PXDC1: variants seen among roughly 807,000 people sequenced by gnomAD.
PXDC1 encodes PX domain-containing protein 1.
PXDC1 carries 13 observed loss-of-function variants against 24.4 expected under a neutral mutation model. The ratio of observed to expected loss-of-function variants is 0.53; its 90% CI spans 0.35 to 0.85. The LOEUF is 0.85. Among genes scored for constraint, PXDC1 ranks in the 40% least tolerant of loss-of-function variants. The probability of loss-of-function intolerance (pLI) is 0.01; values close to 1 mark genes in which losing one functional copy is unlikely to be tolerated. For missense variants in PXDC1, 344 were observed against 309.3 expected (o/e 1.11, Z -0.84); for synonymous variants, 162 against 124.9 (o/e 1.30, Z -1.98).
intron 3 of PXDC1, among the ~76,000 whole-genome samples, chr6:3,736,547 G>A (rs1301555404): frequency 6.6e-6 from 1 of 152,182 alleles, no homozygotes; most frequent in Non-Finnish European, 1.5e-5. Flanking sequence ...CAAGTCTAGT[G>A]TTCTCATGAC....
At position 3,723,406 on chromosome 6, in the gene PXDC1, C is replaced by T; in HGVS notation, c.*213G>A. On this transcript the variant is annotated 3_prime_UTR_variant, in exon 5 of 5. Coordinates refer to ENST00000380283, the MANE Select transcript of PXDC1 (RefSeq NM_183373.4). ...AGGCCCTGTGGCCTCCGGCTGTGAC[C>T]TCAGCTTGCTGGAGACTCTGCGGTC... The T allele has an allele frequency of 3.4e-6, 2 of 589,872 alleles. No homozygotes were observed. The highest frequency in any genetic ancestry group is 6.1e-6 in the Non-Finnish European group (2 of 330,238). 36.5% of individuals were successfully genotyped at this position (589,872 alleles called of 1,614,324 possible).
At position 3,724,348 on chromosome 6, in the gene PXDC1, A is replaced by G. The variant is rs1042477023; in HGVS notation, c.579-612T>C. ...GGACTTACATGGGGTGTGGAGAACT[A>G]GGGAAGAATACAAACCCCAAACATA... On this transcript the variant is annotated intron_variant, in intron 4 of 4. Transcript: ENST00000380283. The surrounding 1 kb of genome is among the most constrained non-coding windows in gnomAD (Gnocchi z 4.5). Among the ~76,000 whole-genome samples the G allele has an allele frequency of 5.9e-5, 9 of 152,160 alleles. No homozygotes were observed. Among genetic ancestry groups the G allele is most frequent in the Non-Finnish European group, 2.9e-5 (2 of 68,018 alleles).
At position 3,737,722 on chromosome 6, in the gene PXDC1, C is replaced by T. The variant is rs898752247; in HGVS notation, c.348+335G>A. On this transcript the variant is annotated intron_variant, in intron 2 of 4. Transcript: ENST00000380283. The surrounding 1 kb of genome is among the most constrained non-coding windows in gnomAD (Gnocchi z 5.5). ...CTGTTCTAAAATCCCCTCAGCAAGA[C>T]GGTGGATTCTGAGCAGAGGCAGAAA... is the stretch of plus-strand genomic sequence containing the variant. 1.6e-5 allele frequency: 16 copies of T among 984,446 alleles called. No individual in the cohort carries two copies. The highest frequency in any genetic ancestry group is 1.7e-5 in the African/African-American group (1 of 57,218). 61.0% of individuals were successfully genotyped at this position (984,446 alleles called of 1,614,324 possible).
rs751346209 is a variant in PXDC1 at position 3,737,167 on chromosome 6, G to A, written c.378C>T (p.Phe126=). The change falls in exon 3 of 5, where the codon TTC becomes TTT. Residue 126 remains phenylalanine, a synonymous_variant. Coordinates refer to ENST00000380283, the MANE Select transcript of PXDC1 (RefSeq NM_183373.4). The surrounding 1 kb of genome is among the most constrained non-coding windows in gnomAD (Gnocchi z 5.5). ...CCTGATCCAGAGGAGATCTTTCGAAGAAGGTGAGCACAACTTCCGATCTAG... is the reference window on the plus strand; with the variant it reads ...CCTGATCCAGAGGAGATCTTTCGAAAAAGGTGAGCACAACTTCCGATCTAG... ...KYSRSEVVLT[F]FERSPLDQVL... 1 of 1,612,816 alleles carries A rather than the reference G, an allele frequency of 6.2e-7. No homozygotes were observed. The highest frequency in any genetic ancestry group is 1.1e-5 in the South Asian group (1 of 91,052).
chr6:3,750,872 G>C (rs1194296961), intron 1 of PXDC1, among the ~76,000 whole-genome samples: 1 of 152,142 alleles, frequency 6.6e-6, no homozygotes, highest in Non-Finnish European at 1.5e-5. Context: ...ACTGCTCCCA[G>C]ACGCTTTCCC....
chr6:3,744,072 C>G (rs1760509473), intron 1 of PXDC1, among the ~76,000 whole-genome samples: 1 of 152,230 alleles, frequency 6.6e-6, no homozygotes. Flanking sequence ...CTTAAACTTA[C>G]TGAGCTCTGC....
At chr6:3,748,417 GGTCCGACCTCACCCAA>G (rs1760617241) in intron 1 of PXDC1, among the ~76,000 whole-genome samples, 1 of 152,070 alleles carries the variant, frequency 6.6e-6, no homozygotes. Flanking sequence ...AGGTCAGCCC[GGTCCGACCTCACCCAA>G]ACAGAAGTCC....
chr6:3,722,787 C>G lies in PXDC1; in HGVS notation c.*832G>C, dbSNP rs1759968771. The G allele has an allele frequency of 1.3e-5, 2 of 152,614 alleles. No homozygotes were observed. The highest frequency in any genetic ancestry group is 6.5e-5 in the Admixed American group (1 of 15,282). 9.5% of individuals were successfully genotyped at this position (152,614 alleles called of 1,614,324 possible). A position where few individuals can be genotyped will look rare whatever the true frequency, so the allele number is the denominator to read the frequency against. ...TCCTCTCCTGTGGGCAGGGGAGCCC[C>G]AGCTTCCCTCGTGATTCCCGTCCTT... On this transcript the variant is annotated 3_prime_UTR_variant, in exon 5 of 5. Transcript: ENST00000380283.
chr6:3,751,142 G>C, intron 1 of PXDC1, 134 bp downstream of exon 1: 1 of 679,976 alleles, frequency 1.5e-6, no homozygotes, highest in Non-Finnish European at 2.2e-6. Context: ...TGCGGGCGCG[G>C]GGTCCAAGTG....
At chr6:3,723,981 A>C (rs1455272400) in intron 4 of PXDC1, among the ~76,000 whole-genome samples, 1 of 152,134 alleles carries the variant, frequency 6.6e-6, no homozygotes, top group Non-Finnish European at 1.5e-5. Flanking sequence ...CCATTCCTTC[A>C]TTCATGGAGT....
intron 1 of PXDC1, among the ~76,000 whole-genome samples, chr6:3,748,454 G>A (rs750990364): frequency 4.6e-5 from 7 of 152,040 alleles, no homozygotes; most frequent in Non-Finnish European, 1.0e-4. Flanking sequence ...AGGAGAGAGC[G>A]CTAGTGAGCA....
At chr6:3,738,804 G>A (rs1410885265) in intron 1 of PXDC1, 8 of 1,302,878 alleles carry the variant, frequency 6.1e-6, no homozygotes, top group South Asian at 1.2e-5. Context: ...ACCATAGCTC[G>A]AGGCATGAAG....
rs529830563 is a variant in PXDC1, at chr6:3,751,684, T to TCGGGGCAGCGGGGCAG, written c.-154_-153insCTGCCCCGCTGCCCCG. ...CAAGGAGGCTGCGTATGGCCCGCGT[T>TCGGGGCAGCGGGGCAG]CGGGGCAGCGGGGCGGCGCGGCGGC... On this transcript the variant is annotated 5_prime_UTR_variant, in exon 1 of 5. Coordinates refer to ENST00000380283, the MANE Select transcript of PXDC1 (RefSeq NM_183373.4). The TCGGGGCAGCGGGGCAG allele has an allele frequency of 8.5e-7, 1 of 1,175,494 alleles. No homozygotes were observed. The highest frequency in any genetic ancestry group is 4.4e-5 in the Admixed American group (1 of 22,774). The allele number at this position is 1,175,494 out of a possible 1,614,324, so 72.8% of individuals were successfully genotyped here.
Position 3,725,983 on chromosome 6 carries a change from C to T in PXDC1, c.578+1568G>A, listed in dbSNP as rs1364531340. On this transcript the variant is annotated intron_variant, in intron 4 of 4. Coordinates refer to ENST00000380283, the MANE Select transcript of PXDC1 (RefSeq NM_183373.4). This position sits in a 1 kb window ranked among gnomAD's most constrained non-coding sequence, Gnocchi z 4.8. ...CCTGTCACTCCTGTGCACATGCAGT[C>T]AGTCCCGGGCAGCTGCAAGAGCCAC... Among the ~76,000 whole-genome samples the T allele has an allele frequency of 1.8e-5, 1 of 56,746 alleles. No individual in the cohort carries two copies. The highest frequency in any genetic ancestry group is 7.1e-5 in the Non-Finnish European group (1 of 14,054). The allele number at this position is 56,746 out of a possible 152,430, so 37.2% of individuals were successfully genotyped here.
In PXDC1 at chr6:3,724,202, C is replaced by G. The variant is rs1760004900; in HGVS notation, c.579-466G>C. ...CAGGAGGCTGCGAGGGAACAGGAGG[C>G]TGGAGAAGAGCCGGCGAGGCCCGTG... On this transcript the variant is annotated intron_variant, in intron 4 of 4. Transcript: ENST00000380283. The surrounding 1 kb of genome is among the most constrained non-coding windows in gnomAD (Gnocchi z 4.5). Among the ~76,000 whole-genome samples, 1 of 152,126 alleles carries G rather than the reference C, an allele frequency of 6.6e-6. No homozygotes were observed. The highest frequency in any genetic ancestry group is 6.5e-5 in the Admixed American group (1 of 15,282).
At chr6:3,741,406 ATGACGG>A (rs1460048337) in intron 1 of PXDC1, among the ~76,000 whole-genome samples, 2 of 152,204 alleles carry the variant, frequency 1.3e-5, no homozygotes, top group Middle Eastern at 6.3e-3. Flanking sequence ...AAGCACAGAA[ATGACGG>A]TGCTTATTTT....
In PXDC1 at chr6:3,751,665, G is replaced by A. The variant is rs11547626; in HGVS notation, c.-134C>T. ...CGGGGTCGGCCCGTCACTCCAAGGA[G>A]GCTGCGTATGGCCCGCGTTCGGGGC... On this transcript the variant is annotated 5_prime_UTR_variant, in exon 1 of 5. Coordinates refer to ENST00000380283, the MANE Select transcript of PXDC1 (RefSeq NM_183373.4). The A allele has an allele frequency of 2.4e-6, 3 of 1,245,866 alleles. No homozygotes were observed. The highest frequency in any genetic ancestry group is 1.6e-5 in the African/African-American group (1 of 63,244). 77.2% of individuals were successfully genotyped at this position (1,245,866 alleles called of 1,614,324 possible).
At chr6:3,749,463 G>A (rs1760648502) in intron 1 of PXDC1, among the ~76,000 whole-genome samples, 1 of 146,658 alleles carries the variant, frequency 6.8e-6, no homozygotes, top group African/African-American at 2.5e-5. Context: ...ACTCCTGCGT[G>A]TCCACACAGC....
In PXDC1 at chr6:3,737,929, AG is replaced by A; in HGVS notation, c.348+127del. On this transcript the variant is annotated intron_variant, in intron 2 of 4. Transcript: ENST00000380283. This position sits in a 1 kb window ranked among gnomAD's most constrained non-coding sequence, Gnocchi z 5.5. ...TCCCTATCGCCTGGTACTACCAGGGAGGGAACAAAACGGCTAAGTGAGACAG... is the reference window on the plus strand; with the variant it reads ...TCCCTATCGCCTGGTACTACCAGGGAGGAACAAAACGGCTAAGTGAGACAG... The A allele has an allele frequency of 1.2e-6, 1 of 804,988 alleles. No individual in the cohort carries two copies. The highest frequency in any genetic ancestry group is 2.0e-6 in the Non-Finnish European group (1 of 491,440). The allele number at this position is 804,988 out of a possible 1,614,324, so 49.9% of individuals were successfully genotyped here.
Sources: allele counts gnomAD v4.1 joint callset (sites outside exome capture counted in the v4.1 genomes callset), GRCh38; gene constraint gnomAD v4.1.1; non-coding constraint Gnocchi (gnomAD v3.1); transcripts MANE v1.5; gene names NCBI Gene and HGNC (gene_info 2026-07-23, HGNC 2026-07-21).